The following EYS variants were observed in gnomAD, a reference collection of about 807,000 sequenced individuals.
EYS encodes the protein EGF-like photoreceptor maintenance factor, also known as protein eyes shut homolog.
In EYS, 250 loss-of-function variants were observed where a neutral mutation model predicts 282.1. That is an observed-to-expected ratio of 0.89 (90% CI 0.80 to 0.98). The LOEUF (loss-of-function observed/expected upper bound fraction) is 0.98, where lower values mean the gene tolerates loss of function less well. Ranked by LOEUF, EYS falls within the 50% of genes least tolerant of loss-of-function variation. The probability of loss-of-function intolerance (pLI) is 0.00; values close to 1 mark genes in which losing one functional copy is unlikely to be tolerated. For missense variants in EYS, 4,016 were observed against 3,709.0 expected (o/e 1.08, Z -2.15); for synonymous variants, 1,355 against 1,282.9 (o/e 1.06, Z -1.20).
At position 65,197,126 on chromosome 6, in the gene EYS, G is replaced by A. The variant is rs547772856; in HGVS notation, c.2023+98737C>T. On this transcript the variant is annotated intron_variant, in intron 12 of 42. Coordinates refer to ENST00000503581, the MANE Select transcript of EYS (RefSeq NM_001142800.2). ...TGTAGGCACTGTTAGAGGTACATGA[G>A]AGGCAGAATACAGGACGGTATTGAA... 4.3e-4 allele frequency among the ~76,000 whole-genome samples: 65 copies of A among 152,202 alleles called. 1 individual carries two copies. Among genetic ancestry groups the A allele is most frequent in the Admixed American group, 1.1e-3 (17 of 15,274 alleles).
Position 64,287,133 on chromosome 6 carries a change from A to C in EYS, c.6191+19837T>G, listed in dbSNP as rs78147987. Among the ~76,000 whole-genome samples, 33 of 152,286 alleles carry C rather than the reference A, an allele frequency of 2.2e-4. No homozygotes were observed. The East Asian group carries it at 6.2e-3, about 28-fold the overall frequency. On this transcript the variant is annotated intron_variant, in intron 30 of 42. Transcript: ENST00000503581. ...TTAGAAGTTAAAACTATGTACATGA[A>C]AAGTAACCTTAAAAAGCCAGATGTT... is the stretch of plus-strand genomic sequence containing the variant.
chr6:64,701,018 T>C (rs972417334), intron 22 of EYS, among the ~76,000 whole-genome samples: 2 of 151,940 alleles, frequency 1.3e-5, no homozygotes, highest in East Asian at 1.9e-4. Context: ...GGTGTAAACC[T>C]AGACCTATAG....
intron 14 of EYS, among the ~76,000 whole-genome samples, chr6:64,960,623 A>G (rs971937830): frequency 2.0e-5 from 3 of 152,262 alleles, no homozygotes; most frequent in East Asian, 1.9e-4. Flanking sequence ...GCCATCTTAC[A>G]TTTGGCATTT....
intron 2 of EYS, among the ~76,000 whole-genome samples, chr6:65,570,890 A>AT (rs1764453358): frequency 6.6e-6 from 1 of 151,950 alleles, no homozygotes; most frequent in African/African-American, 2.4e-5. Flanking sequence ...TTTTCAATGT[A>AT]TTTTTTACTT....
intron 12 of EYS, among the ~76,000 whole-genome samples, chr6:65,250,539 T>C (rs925757190): frequency 7.2e-5 from 11 of 151,958 alleles, no homozygotes; most frequent in Admixed American, 2.0e-4. Context: ...AGTACCTTAA[T>C]AAAGCTGACT....
chr6:64,220,066 G>A (rs916453683), intron 31 of EYS, among the ~76,000 whole-genome samples: 1 of 152,080 alleles, frequency 6.6e-6, no homozygotes, highest in Non-Finnish European at 1.5e-5. Context: ...AGCATTAGGA[G>A]ATATACCTAA....
intron 29 of EYS, among the ~76,000 whole-genome samples, chr6:64,312,735 A>C (rs759007914): frequency 1.3e-5 from 2 of 152,234 alleles, no homozygotes; most frequent in Non-Finnish European, 2.9e-5. Flanking sequence ...ATACCAAGGA[A>C]AACAGGATCT....
chr6:64,844,605 G>A (rs978727076), intron 19 of EYS, among the ~76,000 whole-genome samples: 2 of 151,854 alleles, frequency 1.3e-5, no homozygotes, highest in Non-Finnish European at 2.9e-5. Context: ...GAATTATAAG[G>A]TTTCTTGGTT....
intron 12 of EYS, among the ~76,000 whole-genome samples, chr6:65,091,266 T>G (rs1581901532): frequency 1.2e-5 from 1 of 82,998 alleles, no homozygotes; most frequent in Non-Finnish European, 2.2e-5. Context: ...AAACCCCATC[T>G]CCCCTAAAAA....
intron 35 of EYS, among the ~76,000 whole-genome samples, chr6:63,924,845 A>G (rs1044784780): frequency 2.0e-5 from 3 of 152,216 alleles, no homozygotes; most frequent in African/African-American, 7.2e-5. Flanking sequence ...ACAGAAAAGT[A>G]AAAATGGGAA....
intron 28 of EYS, among the ~76,000 whole-genome samples, chr6:64,416,518 C>CT (rs371267333): frequency 0.076 from 10,659 of 139,788 alleles, 757 homozygotes; most frequent in African/African-American, 0.18. Context: ...GCCGTTAGGT[C>CT]TTTTTTTTTT....
intron 5 of EYS, among the ~76,000 whole-genome samples, chr6:65,455,400 A>G (rs1764563971): frequency 1.3e-5 from 2 of 152,154 alleles, no homozygotes; most frequent in South Asian, 4.1e-4. Context: ...TTCTTGATAG[A>G]ATCTTTAAGG....
chr6:65,490,683 C>A lies in EYS; in HGVS notation c.773G>T (p.Gly258Val), dbSNP rs1352010833. The A allele has an allele frequency of 7.4e-6, 12 of 1,611,450 alleles. No homozygotes were observed. The highest frequency in any genetic ancestry group is 1.3e-5 in the African/African-American group (1 of 74,796). The change falls in exon 5 of 43, where the codon GGC becomes GTC. Residue 258 changes from glycine (G) to valine (V), a missense_variant. Coordinates refer to ENST00000503581, the MANE Select transcript of EYS (RefSeq NM_001142800.2). ...FTGKNCSEII[G>V]QCQPHVCFHG... ...GAAACAGACATGTGGTTGACACTGG[C>A]CAATTATTTCTGAGCAATTCTTTCC...
intron 26 of EYS, among the ~76,000 whole-genome samples, chr6:64,440,015 C>T (rs527239727): frequency 1.3e-5 from 2 of 151,294 alleles, no homozygotes; most frequent in Non-Finnish European, 3.0e-5. Flanking sequence ...TTGATAAATA[C>T]TGGATTGATT....
intron 12 of EYS, among the ~76,000 whole-genome samples, chr6:65,113,392 TAA>T (rs5876941): frequency 0.26 from 39,612 of 149,958 alleles, 6,336 homozygotes; most frequent in African/African-American, 0.45. Context: ...TATTGAGATC[TAA>T]AAAAAAAATT....
rs565931873 is a variant in EYS at position 65,044,988 on chromosome 6, C to T, written c.2137+12626G>A. ...CCTCAGGTGAAAAGCAATAGAAATA[C>T]ACATTTTACTCAGCAGAGCTTCTTT... On this transcript the variant is annotated intron_variant, in intron 13 of 42. Transcript: ENST00000503581. 2.6e-5 allele frequency among the ~76,000 whole-genome samples: 4 copies of T among 151,884 alleles called. No homozygotes were observed. The East Asian group carries it at 5.8e-4, about 22-fold the overall frequency.
At chr6:64,262,615 G>C (rs1041941848) in intron 30 of EYS, among the ~76,000 whole-genome samples, 37 of 151,960 alleles carry the variant, frequency 2.4e-4, no homozygotes, top group African/African-American at 8.9e-4. Flanking sequence ...CCCCTGGTGA[G>C]CTTCCTTTTT....
At chr6:64,324,525 T>C (rs766488821) in intron 29 of EYS, among the ~76,000 whole-genome samples, 2 of 152,118 alleles carry the variant, frequency 1.3e-5, no homozygotes, top group African/African-American at 4.8e-5. Flanking sequence ...GCCAACAATA[T>C]ACTGAATGGG....
At chr6:65,082,992 C>T (rs866512814) in intron 12 of EYS, among the ~76,000 whole-genome samples, 56 of 151,796 alleles carry the variant, frequency 3.7e-4, no homozygotes, top group Admixed American at 2.0e-4. Context: ...AGGCGAAATA[C>T]TATACTATCT....
Sources: gnomAD v4.1 joint callset for allele counts (sites outside exome capture counted in the v4.1 genomes callset) on GRCh38, gnomAD v4.1.1 for gene constraint, MANE v1.5 for transcripts, NCBI Gene and HGNC (gene_info 2026-07-23, HGNC 2026-07-21) for gene names.